Variants in TMEFF1 observed in about 807,000 individuals in gnomAD.
TMEFF1 encodes the protein tomoregulin-1.
A neutral mutation model predicts 47.5 loss-of-function variants in TMEFF1; 20 were observed. That is an observed-to-expected ratio of 0.42 (90% CI 0.30 to 0.61). The LOEUF (loss-of-function observed/expected upper bound fraction) is 0.61, where lower values mean the gene tolerates loss of function less well. Among genes scored for constraint, TMEFF1 ranks in the 20% least tolerant of loss-of-function variants. The pLI is 0.19. For synonymous variants in TMEFF1, 162 were observed against 166.3 expected (o/e 0.97, Z 0.20); for missense variants, 411 against 471.1 (o/e 0.87, Z 1.18).
Position 100,576,917 on chromosome 9 carries a change from C to T in TMEFF1, c.*317C>T. The T allele has an allele frequency of 5.3e-6, 1 of 189,170 alleles. No individual in the cohort carries two copies. The highest frequency in any genetic ancestry group is 1.6e-4 in the South Asian group (1 of 6,248). The allele number at this position is 189,170 out of a possible 1,614,324, so 11.7% of individuals were successfully genotyped here. On this transcript the variant is annotated 3_prime_UTR_variant, in exon 10 of 10. Transcript: ENST00000374879. Reference sequence around the variant, plus strand: ...GGTTATAAAGTCATATCCACTTCTTCCACAATGACCACAGCAAATGACCAA... The same window carrying T: ...GGTTATAAAGTCATATCCACTTCTTTCACAATGACCACAGCAAATGACCAA...
At chr9:100,515,372 T>A (rs561101443) in intron 4 of TMEFF1, among the ~76,000 whole-genome samples, 121 of 152,232 alleles carry the variant, frequency 7.9e-4, no homozygotes, top group Middle Eastern at 3.4e-3. Context: ...GGAGTATTCA[T>A]GAGAGTTTAG....
intron 1 of TMEFF1, among the ~76,000 whole-genome samples, chr9:100,475,116 A>G (rs1837196334): frequency 1.3e-5 from 2 of 152,178 alleles, no homozygotes. Flanking sequence ...GGCCACTGGG[A>G]ATCTGCCGGA....
chr9:100,548,063 A>G (rs1345163871), intron 6 of TMEFF1, among the ~76,000 whole-genome samples, 171 bp downstream of exon 6: 6 of 150,676 alleles, frequency 4.0e-5, no homozygotes, highest in African/African-American at 1.5e-4. Context: ...TTTTTTCATT[A>G]TTTTCATCTT....
Position 100,477,686 on chromosome 9 carries a change from C to T in TMEFF1, c.196+3946C>T, listed in dbSNP as rs1348935404. 6.6e-5 allele frequency among the ~76,000 whole-genome samples: 9 copies of T among 136,086 alleles called. No individual in the cohort carries two copies. The Admixed American group carries it at 7.5e-4, about 11-fold the overall frequency. The allele number at this position is 136,086 out of a possible 152,430, so 89.3% of individuals were successfully genotyped here. A position where few individuals can be genotyped will look rare whatever the true frequency, so the allele number is the denominator to read the frequency against. On this transcript the variant is annotated intron_variant, in intron 1 of 9. Coordinates refer to ENST00000374879, the MANE Select transcript of TMEFF1 (RefSeq NM_003692.5). ...TGTCGCCCAGGCTGGAGTGCAGTGG[C>T]ATGATCTCGGCTCACTGTAACCTCT...
chr9:100,487,137 T>A (rs974780175), intron 1 of TMEFF1, among the ~76,000 whole-genome samples: 2 of 145,520 alleles, frequency 1.4e-5, no homozygotes, highest in Non-Finnish European at 2.9e-5. Context: ...TTCTCTTTAT[T>A]TTATTTTTTA....
At chr9:100,558,564 G>A (rs890157405) in intron 7 of TMEFF1, among the ~76,000 whole-genome samples, 1 of 151,398 alleles carries the variant, frequency 6.6e-6, no homozygotes, top group African/African-American at 2.4e-5. Flanking sequence ...ATAAATAAAA[G>A]ATGTGATAAT....
chr9:100,537,693 A>G (rs930566606), intron 5 of TMEFF1, among the ~76,000 whole-genome samples: 1 of 152,094 alleles, frequency 6.6e-6, no homozygotes, highest in African/African-American at 2.4e-5. Flanking sequence ...ATTTGTTTAG[A>G]TACAGAGATA....
chr9:100,574,558 G>A (rs543025416), intron 9 of TMEFF1, among the ~76,000 whole-genome samples: 1 of 147,980 alleles, frequency 6.8e-6, no homozygotes, highest in South Asian at 2.2e-4. Flanking sequence ...TTTTTTTTTT[G>A]TAGAGACTGG....
At chr9:100,489,609 T>C (rs1188063028) in intron 1 of TMEFF1, among the ~76,000 whole-genome samples, 3 of 152,230 alleles carry the variant, frequency 2.0e-5, no homozygotes, top group Non-Finnish European at 1.5e-5. Flanking sequence ...GAAGAAAGCT[T>C]AAATTCTACC....
At chr9:100,575,982 A>G (rs1587864047) in intron 9 of TMEFF1, among the ~76,000 whole-genome samples, 1 of 152,108 alleles carries the variant, frequency 6.6e-6, no homozygotes, top group African/African-American at 2.4e-5. Flanking sequence ...GAGGGTGTGG[A>G]CAGCTTCTTT....
At chr9:100,531,114 A>G (rs1049784095) in intron 5 of TMEFF1, among the ~76,000 whole-genome samples, 3 of 152,130 alleles carry the variant, frequency 2.0e-5, no homozygotes, top group Non-Finnish European at 4.4e-5. Flanking sequence ...TCTATGACAA[A>G]CCCACAGCCA....
chr9:100,540,185 C>T (rs1838602399), intron 5 of TMEFF1, among the ~76,000 whole-genome samples: 1 of 152,000 alleles, frequency 6.6e-6, no homozygotes, highest in African/African-American at 2.4e-5. Context: ...TCTCCAAGTC[C>T]CCACCCGATC....
intron 5 of TMEFF1, among the ~76,000 whole-genome samples, chr9:100,544,397 G>T (rs545690184): frequency 6.6e-5 from 10 of 152,312 alleles, no homozygotes; most frequent in African/African-American, 2.2e-4. Flanking sequence ...CAAAGAGAGA[G>T]CTTGTGCAGA....
chr9:100,507,721 G>GT (rs1244421660), intron 2 of TMEFF1, among the ~76,000 whole-genome samples: 1 of 151,952 alleles, frequency 6.6e-6, no homozygotes, highest in Non-Finnish European at 1.5e-5. Flanking sequence ...TTGTTGGATT[G>GT]TTTAAGTTCA....
intron 5 of TMEFF1, among the ~76,000 whole-genome samples, chr9:100,526,955 C>CAAAAAA (rs55736750): frequency 1.3e-4 from 5 of 38,982 alleles, no homozygotes; most frequent in African/African-American, 1.8e-4. Flanking sequence ...GCTAAAAATA[C>CAAAAAA]AAAAAAAAAA....
At chr9:100,500,651 G>A (rs1213924793) in intron 2 of TMEFF1, among the ~76,000 whole-genome samples, 1 of 152,082 alleles carries the variant, frequency 6.6e-6, no homozygotes, top group Non-Finnish European at 1.5e-5. Context: ...AGATGTTATT[G>A]CCGCTTTAAA....
intron 5 of TMEFF1, among the ~76,000 whole-genome samples, chr9:100,532,162 A>C (rs1409299101): frequency 6.6e-6 from 1 of 152,056 alleles, no homozygotes; most frequent in Non-Finnish European, 1.5e-5. Context: ...AGGCATTACC[A>C]TTCAGGACAT....
chr9:100,523,805 G>A (rs1227882291), intron 5 of TMEFF1, among the ~76,000 whole-genome samples: 1 of 152,106 alleles, frequency 6.6e-6, no homozygotes, highest in African/African-American at 2.4e-5. Context: ...AGATTTCAAA[G>A]GACTTTTTAC....
Position 100,577,185 on chromosome 9 carries a change from G to C in TMEFF1, c.*585G>C, listed in dbSNP as rs565962831. ...TAGTCCTAATAATTTGAACAAATAT[G>C]TTAGTAATGATGGAACAGATCAATG... On this transcript the variant is annotated 3_prime_UTR_variant, in exon 10 of 10. Transcript: ENST00000374879. 1.1e-3 allele frequency: 167 copies of C among 152,688 alleles called. No homozygotes were observed. Among genetic ancestry groups the C allele is most frequent in the African/African-American group, 3.9e-3 (160 of 41,556 alleles). 9.5% of individuals were successfully genotyped at this position (152,688 alleles called of 1,614,324 possible).
Sources: gnomAD v4.1 joint callset for allele counts (sites outside exome capture counted in the v4.1 genomes callset) on GRCh38, gnomAD v4.1.1 for gene constraint, MANE v1.5 for transcripts, NCBI Gene and HGNC (gene_info 2026-07-23, HGNC 2026-07-21) for gene names.